SLC6A11: variants seen among roughly 807,000 people sequenced by gnomAD.
The protein encoded by SLC6A11 is sodium- and chloride-dependent GABA transporter 3.
SLC6A11 carries 25 observed loss-of-function variants against 74.8 expected under a neutral mutation model. That is an observed-to-expected ratio of 0.33 (90% CI 0.24 to 0.47). SLC6A11 has a LOEUF of 0.47. Among genes scored for constraint, SLC6A11 ranks in the 20% least tolerant of loss-of-function variants. The pLI is 1.00. For missense variants in SLC6A11, 574 were observed against 837.0 expected, an observed-to-expected ratio of 0.69 and a Z score of 3.88; for synonymous variants, 330 against 330.2, an observed-to-expected ratio of 1.00 and a Z score of 0.01.
intron 6 of SLC6A11, among the ~76,000 whole-genome samples, chr3:10,890,647 T>C (rs913747299): frequency 1.3e-5 from 2 of 152,386 alleles, no homozygotes; most frequent in South Asian, 4.1e-4. Flanking sequence ...TTTTTGATTC[T>C]GCCTTATTAC....
intron 6 of SLC6A11, among the ~76,000 whole-genome samples, chr3:10,899,341 T>C (rs1242554291): frequency 6.6e-6 from 1 of 152,226 alleles, no homozygotes; most frequent in Admixed American, 6.5e-5. Context: ...AGATATCCCC[T>C]GGGAGGCTCC....
chr3:10,907,791 A>G (rs1336652956), intron 6 of SLC6A11, among the ~76,000 whole-genome samples: 1 of 152,234 alleles, frequency 6.6e-6, no homozygotes, highest in African/African-American at 2.4e-5. Flanking sequence ...TCGAGTATGA[A>G]AGTCACGGAT....
chr3:10,829,358 T>C (rs1292868409), intron 4 of SLC6A11, among the ~76,000 whole-genome samples: 1 of 151,996 alleles, frequency 6.6e-6, no homozygotes, highest in African/African-American at 2.4e-5. Context: ...AGGTACAGAG[T>C]CATGGTTGGG....
At chr3:10,823,467 A>G (rs1268824902) in intron 4 of SLC6A11, 75 bp downstream of exon 4, 14 of 995,628 alleles carry the variant, frequency 1.4e-5, no homozygotes, top group Admixed American at 3.6e-5. Flanking sequence ...TCTTGCCCCT[A>G]TTCCTGGAAA....
In SLC6A11 at chr3:10,934,046, C is replaced by T; in HGVS notation, c.1475-20C>T. ...ACTTCTCTGGGGTGTGTATGTTCCCCTCTGATTTATTCCGGACAGGAAGCA... is the reference window on the plus strand; with the variant it reads ...ACTTCTCTGGGGTGTGTATGTTCCCTTCTGATTTATTCCGGACAGGAAGCA... On this transcript the variant is annotated intron_variant, in intron 11 of 13. Coordinates refer to ENST00000254488, the MANE Select transcript of SLC6A11 (RefSeq NM_014229.3). The T allele has an allele frequency of 3.2e-6, 5 of 1,570,902 alleles. No homozygotes were observed. The highest frequency in any genetic ancestry group is 4.4e-6 in the Non-Finnish European group (5 of 1,140,864).
At chr3:10,820,136 G>T (rs370366777) in intron 3 of SLC6A11, among the ~76,000 whole-genome samples, 1 of 152,178 alleles carries the variant, frequency 6.6e-6, no homozygotes, top group African/African-American at 2.4e-5. Context: ...CCCTTTGGGG[G>T]CAGGATGGGG....
At chr3:10,853,991 C>T (rs1282847964) in intron 5 of SLC6A11, among the ~76,000 whole-genome samples, 1 of 152,246 alleles carries the variant, frequency 6.6e-6, no homozygotes, top group Non-Finnish European at 1.5e-5. Context: ...TTCTGTACGG[C>T]TTTCATTGTG....
intron 5 of SLC6A11, among the ~76,000 whole-genome samples, chr3:10,845,618 A>G (rs1694493288): frequency 6.6e-6 from 1 of 152,146 alleles, no homozygotes; most frequent in African/African-American, 2.4e-5. Context: ...AGAAACTGCT[A>G]GAAAGTTTGA....
chr3:10,923,261 A>C (rs1360010859), intron 8 of SLC6A11, among the ~76,000 whole-genome samples: 1 of 151,742 alleles, frequency 6.6e-6, no homozygotes, highest in Non-Finnish European at 1.5e-5. Flanking sequence ...AAAAAAAAAA[A>C]AAACACAGGG....
intron 5 of SLC6A11, among the ~76,000 whole-genome samples, chr3:10,867,144 C>T (rs773185310): frequency 3.9e-4 from 60 of 152,198 alleles, no homozygotes; most frequent in Middle Eastern, 3.4e-3. Flanking sequence ...AGGGGAGAGG[C>T]GGGACTGCAC....
chr3:10,939,406 G>T lies in SLC6A11; in HGVS notation c.*1004G>T. The T allele has an allele frequency of 6.6e-6, 1 of 152,552 alleles. No homozygotes were observed. The highest frequency in any genetic ancestry group is 1.5e-5 in the Non-Finnish European group (1 of 68,304). The allele number at this position is 152,552 out of a possible 1,614,324, so 9.4% of individuals were successfully genotyped here. A position where few individuals can be genotyped will look rare whatever the true frequency, so the allele number is the denominator to read the frequency against. On this transcript the variant is annotated 3_prime_UTR_variant, in exon 14 of 14. Transcript: ENST00000254488. ...TGGCAGGGCTGGCTGGAGTTGCTGTGGGGACTGATTTTCTGGGTGGGGAAG... is the reference window on the plus strand; with the variant it reads ...TGGCAGGGCTGGCTGGAGTTGCTGTTGGGACTGATTTTCTGGGTGGGGAAG...
chr3:10,850,710 C>T (rs1311559914), intron 5 of SLC6A11, among the ~76,000 whole-genome samples: 4 of 152,082 alleles, frequency 2.6e-5, no homozygotes, highest in Admixed American at 6.5e-5. Flanking sequence ...AGGGAAGCGG[C>T]GGGGGTCAGG....
chr3:10,858,832 A>G (rs189130077), intron 5 of SLC6A11, among the ~76,000 whole-genome samples: 134 of 152,350 alleles, frequency 8.8e-4, no homozygotes, highest in African/African-American at 3.1e-3. Flanking sequence ...CTGGTAAGTC[A>G]AGGAGACATA....
chr3:10,885,202 A>G (rs1270719530), intron 6 of SLC6A11, among the ~76,000 whole-genome samples: 1 of 152,204 alleles, frequency 6.6e-6, no homozygotes, highest in Non-Finnish European at 1.5e-5. Flanking sequence ...ATATATTTAT[A>G]GTAGCTTCTT....
At chr3:10,873,945 ATCC>A (rs1694874549) in intron 5 of SLC6A11, among the ~76,000 whole-genome samples, 1 of 151,648 alleles carries the variant, frequency 6.6e-6, no homozygotes, top group African/African-American at 2.4e-5. Context: ...ATGCTATGCT[ATCC>A]TATGCTATGC....
intron 5 of SLC6A11, among the ~76,000 whole-genome samples, chr3:10,850,022 G>A (rs1694553829): frequency 6.6e-6 from 1 of 152,064 alleles, no homozygotes; most frequent in Non-Finnish European, 1.5e-5. Context: ...TTCTACGGAA[G>A]CAATGTGGAG....
At position 10,907,075 on chromosome 3, in the gene SLC6A11, G is replaced by A. The variant is rs1287334999; in HGVS notation, c.892-5015G>A. On this transcript the variant is annotated intron_variant, in intron 6 of 13. Transcript: ENST00000254488. Reference sequence around the variant, plus strand: ...TGTCCCAAGGCATTGCACAAAGACAGAACCACAAAACAGTGCAGCACTGAA... The same window carrying A: ...TGTCCCAAGGCATTGCACAAAGACAAAACCACAAAACAGTGCAGCACTGAA... Among the ~76,000 whole-genome samples the A allele has an allele frequency of 1.3e-5, 2 of 152,078 alleles. 1 individual carries two copies.
At chr3:10,819,646 C>T (rs1394970269) in intron 2 of SLC6A11, 47 bp downstream of exon 2, 2 of 1,609,496 alleles carry the variant, frequency 1.2e-6, no homozygotes, top group Non-Finnish European at 1.7e-6. Flanking sequence ...CAGGGAATGT[C>T]AACTGCAAAG....
At chr3:10,840,536 C>T (rs1004881403) in intron 4 of SLC6A11, among the ~76,000 whole-genome samples, 5 of 152,222 alleles carry the variant, frequency 3.3e-5, no homozygotes, top group Admixed American at 1.3e-4. Flanking sequence ...ACACTGATGA[C>T]GCTTTCGTAA....
Sources: gnomAD v4.1 joint callset for allele counts (sites outside exome capture counted in the v4.1 genomes callset) on GRCh38, gnomAD v4.1.1 for gene constraint, MANE v1.5 for transcripts, NCBI Gene and HGNC (gene_info 2026-07-23, HGNC 2026-07-21) for gene names.